TMPRSS15: variants seen among roughly 807,000 people sequenced by gnomAD.
The protein encoded by TMPRSS15 is transmembrane serine protease 15.
Under a neutral mutation model 125.3 loss-of-function variants are expected in TMPRSS15, and 128 were observed. That is an observed-to-expected ratio of 1.02 (90% CI 0.89 to 1.18). The LOEUF (loss-of-function observed/expected upper bound fraction) is 1.18. Among genes scored for constraint, TMPRSS15 ranks in the 50% most tolerant of loss-of-function variants. TMPRSS15 has a pLI of 0.00. For synonymous variants in TMPRSS15, 446 were observed against 423.2 expected, an observed-to-expected ratio of 1.05 and a Z score of -0.66; for missense variants, 1,283 against 1,212.7, an observed-to-expected ratio of 1.06 and a Z score of -0.86.
Position 18,379,319 on chromosome 21 carries a change from C to G in TMPRSS15, c.497-1G>C. 1 of 1,298,032 alleles carries G rather than the reference C, an allele frequency of 7.7e-7. No homozygotes were observed. The highest frequency in any genetic ancestry group is 1.0e-6 in the Non-Finnish European group (1 of 984,996). The allele number at this position is 1,298,032 out of a possible 1,614,324, so 80.4% of individuals were successfully genotyped here. ...AGATGACTGGTGGTTGTTAGCTTGT[C>G]TGAAAAATAAATTATATTAAAATAA... On this transcript the variant is annotated splice_acceptor_variant, in intron 4 of 24. Coordinates refer to ENST00000284885, the MANE Select transcript of TMPRSS15 (RefSeq NM_002772.3). LOFTEE classifies it high-confidence loss of function.
At chr21:18,288,149 G>C (rs1245635286) in intron 21 of TMPRSS15, among the ~76,000 whole-genome samples, 1 of 152,140 alleles carries the variant, frequency 6.6e-6, no homozygotes, top group Non-Finnish European at 1.5e-5. Flanking sequence ...ATACTATTCA[G>C]CCAGGAGAAA....
chr21:18,473,778 G>A (rs1978824701), intron 1 of TMPRSS15, among the ~76,000 whole-genome samples: 1 of 151,910 alleles, frequency 6.6e-6, no homozygotes, highest in Non-Finnish European at 1.5e-5. Flanking sequence ...GTTTTTGCCT[G>A]CATATTGTAA....
At position 18,423,217 on chromosome 21, in the gene TMPRSS15, C is replaced by A. The variant is rs1295880832; in HGVS notation, c.11-24888G>T. On this transcript the variant is annotated intron_variant, in intron 1 of 7. Coordinates refer to the TMPRSS15 transcript ENST00000422787. Reference sequence around the variant, plus strand: ...TCTTTCTTTAGGTCCAGATTTTATTCACAATTGCCTCCTCCCCCAACTGCC... The same window carrying A: ...TCTTTCTTTAGGTCCAGATTTTATTAACAATTGCCTCCTCCCCCAACTGCC... 2.0e-5 allele frequency among the ~76,000 whole-genome samples: 3 copies of A among 152,092 alleles called. No individual in the cohort carries two copies. In the East Asian group the frequency reaches 5.8e-4, roughly 29 times the overall value.
chr21:18,297,057 T>G (rs575856678), intron 19 of TMPRSS15, among the ~76,000 whole-genome samples: 16 of 152,308 alleles, frequency 1.1e-4, no homozygotes, highest in African/African-American at 3.1e-4. Context: ...CCACAGCTGT[T>G]CTTTAATGGA....
chr21:18,315,428 C>T (rs1021692628), intron 16 of TMPRSS15, among the ~76,000 whole-genome samples, 172 bp from the exon 17 acceptor site: 5 of 47,158 alleles, frequency 1.1e-4, no homozygotes, highest in African/African-American at 2.3e-4. Context: ...ACCAACATGG[C>T]ACATGTATAC....
At chr21:18,315,018 T>G in intron 17 of TMPRSS15, 128 bp downstream of exon 17, 74 of 757,174 alleles carry the variant, frequency 9.8e-5, no homozygotes, top group East Asian at 2.9e-4. Flanking sequence ...ATCTCAGAGA[T>G]GAGATGTTCT....
intron 10 of TMPRSS15, 86 bp downstream of exon 10, chr21:18,352,817 A>C (rs1253902437): frequency 1.5e-6 from 2 of 1,361,902 alleles, no homozygotes; most frequent in East Asian, 4.6e-5. Flanking sequence ...AATACTGCTC[A>C]CTTTACACTG....
intron 11 of TMPRSS15, 108 bp downstream of exon 11, chr21:18,343,847 G>A: frequency 8.4e-7 from 1 of 1,191,454 alleles, no homozygotes; most frequent in Non-Finnish European, 1.3e-6. Context: ...AATAGTATAT[G>A]CATTAAAACT....
intron 1 of TMPRSS15, among the ~76,000 whole-genome samples, chr21:18,436,330 T>C (rs2123222223): frequency 6.6e-6 from 1 of 152,286 alleles, no homozygotes; most frequent in South Asian, 2.1e-4. Context: ...TGGTATGTTG[T>C]GTTTTTGTTC....
intron 8 of TMPRSS15, among the ~76,000 whole-genome samples, chr21:18,358,053 T>C: frequency 6.6e-6 from 1 of 151,946 alleles, no homozygotes; most frequent in South Asian, 2.1e-4. Flanking sequence ...TGCTTGGATA[T>C]TCAGTTTCTT....
intron 18 of TMPRSS15, among the ~76,000 whole-genome samples, chr21:18,305,289 C>G (rs898927194): frequency 1.1e-4 from 16 of 144,568 alleles, no homozygotes; most frequent in Non-Finnish European, 1.8e-4. Flanking sequence ...CCCGGGTTCA[C>G]GCCATTCTCC....
chr21:18,349,093 A>G (rs2075538160), intron 10 of TMPRSS15, among the ~76,000 whole-genome samples: 1 of 152,090 alleles, frequency 6.6e-6, no homozygotes, highest in Admixed American at 6.6e-5. Context: ...AAACTATACT[A>G]CCTCCCACAG....
intron 21 of TMPRSS15, among the ~76,000 whole-genome samples, chr21:18,292,384 A>G (rs984819205): frequency 4.6e-5 from 7 of 152,170 alleles, no homozygotes; most frequent in Non-Finnish European, 1.0e-4. Flanking sequence ...TTCCTGTGTG[A>G]GATCCAAGAA....
intron 21 of TMPRSS15, among the ~76,000 whole-genome samples, chr21:18,289,853 A>G (rs1189571631): frequency 2.0e-5 from 3 of 152,204 alleles, no homozygotes; most frequent in African/African-American, 7.2e-5. Context: ...GAGGTAATGG[A>G]GAAACTTTTT....
At chr21:18,291,207 T>C (rs953455565) in intron 21 of TMPRSS15, among the ~76,000 whole-genome samples, 3 of 152,206 alleles carry the variant, frequency 2.0e-5, no homozygotes, top group Non-Finnish European at 4.4e-5. Flanking sequence ...TTAGAGATAC[T>C]AAGTTGCTTG....
At chr21:18,425,070 A>G (rs914888511) in intron 1 of TMPRSS15, among the ~76,000 whole-genome samples, 9 of 151,710 alleles carry the variant, frequency 5.9e-5, no homozygotes, top group Non-Finnish European at 1.3e-4. Context: ...AGTAATCCCT[A>G]TCAATGGATA....
At chr21:18,452,784 T>C (rs1473016550) in intron 1 of TMPRSS15, among the ~76,000 whole-genome samples, 1 of 152,132 alleles carries the variant, frequency 6.6e-6, no homozygotes, top group Non-Finnish European at 1.5e-5. Context: ...AACAGCTTTA[T>C]TGAGTTACAA....
chr21:18,411,071 T>C (rs1433090386), intron 1 of TMPRSS15, among the ~76,000 whole-genome samples: 1 of 152,162 alleles, frequency 6.6e-6, no homozygotes, highest in Non-Finnish European at 1.5e-5. Context: ...AAAAATGCTT[T>C]AAATTAATAA....
chr21:18,384,104 T>G (rs770068373), intron 3 of TMPRSS15, among the ~76,000 whole-genome samples: 1 of 152,186 alleles, frequency 6.6e-6, no homozygotes, highest in Non-Finnish European at 1.5e-5. Context: ...GTGGTCTCTT[T>G]GCACTTACTC....
Sources: allele counts gnomAD v4.1 joint callset (sites outside exome capture counted in the v4.1 genomes callset), GRCh38; gene constraint gnomAD v4.1.1; transcripts MANE v1.5; gene names NCBI Gene and HGNC (gene_info 2026-07-23, HGNC 2026-07-21).